The following ESCO1 variants were observed in gnomAD, a reference collection of about 807,000 sequenced individuals.
ESCO1 encodes the protein establishment of sister chromatid cohesion N-acetyltransferase 1.
Under a neutral mutation model 83.5 loss-of-function variants are expected in ESCO1, and 33 were observed. The ratio of observed to expected loss-of-function variants is 0.40; its 90% CI spans 0.30 to 0.53. The LOEUF is 0.53. Ranked by LOEUF, ESCO1 falls within the 20% of genes least tolerant of loss-of-function variation. The pLI is 0.63. For synonymous variants in ESCO1, 332 were observed against 324.3 expected (o/e 1.02, Z -0.25); for missense variants, 855 against 968.0 (o/e 0.88, Z 1.55).
At chr18:21,592,274 G>A (rs370275401) in intron 1 of ESCO1, among the ~76,000 whole-genome samples, 2 of 151,362 alleles carry the variant, frequency 1.3e-5, no homozygotes, top group South Asian at 4.2e-4. Context: ...TCACCTCCTG[G>A]ACGGGGCAGC....
chr18:21,599,956 G>T (rs983023902), intron 1 of ESCO1, among the ~76,000 whole-genome samples: 1 of 152,168 alleles, frequency 6.6e-6, no homozygotes, highest in Non-Finnish European at 1.5e-5. Flanking sequence ...CTTCACTGCG[G>T]CCCTCAATGC....
chr18:21,536,257 T>TC, intron 9 of ESCO1, 72 bp from the exon 10 acceptor site: 1 of 1,484,432 alleles, frequency 6.7e-7, no homozygotes, highest in Non-Finnish European at 9.1e-7. Context: ...CTATTTCAGT[T>TC]CAGTAGATCA....
chr18:21,586,680 C>G (rs1044807609), intron 1 of ESCO1, among the ~76,000 whole-genome samples: 1 of 152,126 alleles, frequency 6.6e-6, no homozygotes, highest in African/African-American at 2.4e-5. Context: ...AAGATCATGT[C>G]ATCTGCAAAG....
chr18:21,581,567 C>T (rs766472193), intron 2 of ESCO1, among the ~76,000 whole-genome samples: 2 of 151,774 alleles, frequency 1.3e-5, no homozygotes, highest in African/African-American at 4.8e-5. Context: ...GGTGAGATGG[C>T]GCCATTGCAC....
rs575603072 is a variant in ESCO1, at chr18:21,539,955, C to T, written c.2008G>A (p.Val670Ile). 3 of 1,613,454 alleles carry T rather than the reference C, an allele frequency of 1.9e-6. No individual in the cohort carries two copies. The highest frequency in any genetic ancestry group is 2.5e-6 in the Non-Finnish European group (3 of 1,179,808). Residue 670 changes from valine to isoleucine, a missense_variant, in exon 9 of 12, where the codon GTT becomes ATT. By Grantham distance (29) the Val-to-Ile change is conservative. Around this residue, in one of 2 missense-constraint regions of ESCO1, gnomAD observed 129 missense variants for 268.5 expected, o/e 0.48. Transcript: ENST00000269214. The stretch of plus-strand genomic sequence containing the variant: ...GCATACTTTGGGTCTTCAGGAAGAA[C>T]CATTATTATCCTGCCATCAGGGTAT... Reference protein sequence around the residue: ...AEYPDGRIIMVLPEDPKYALK... With the variant: ...AEYPDGRIIMILPEDPKYALK...
At chr18:21,599,042 CAA>C (rs34829152) in intron 1 of ESCO1, among the ~76,000 whole-genome samples, 3 of 127,934 alleles carry the variant, frequency 2.3e-5, no homozygotes, top group Admixed American at 8.1e-5. Flanking sequence ...TTTTGCTTTT[CAA>C]AAAAAAAAAA....
At chr18:21,592,536 C>T (rs1298890115) in intron 1 of ESCO1, among the ~76,000 whole-genome samples, 2 of 146,282 alleles carry the variant, frequency 1.4e-5, no homozygotes, top group South Asian at 2.2e-4. Flanking sequence ...CTGGACAGGG[C>T]GGCTGGCCGG....
intron 8 of ESCO1, among the ~76,000 whole-genome samples, chr18:21,542,576 T>C (rs2037920693): frequency 6.6e-6 from 1 of 152,240 alleles, no homozygotes; most frequent in Non-Finnish European, 1.5e-5. Context: ...GAGTAGCCAC[T>C]AAGTAACTCT....
intron 8 of ESCO1, among the ~76,000 whole-genome samples, chr18:21,546,903 G>A (rs556710018): frequency 7.2e-5 from 11 of 152,176 alleles, no homozygotes; most frequent in South Asian, 6.2e-4. Flanking sequence ...TTCATGATCC[G>A]GTCCCCCATT....
chr18:21,558,311 T>C (rs2038138549), intron 8 of ESCO1, among the ~76,000 whole-genome samples: 1 of 152,202 alleles, frequency 6.6e-6, no homozygotes, highest in African/African-American at 2.4e-5. Context: ...TTTTCTACCT[T>C]TTATTTTAAC....
chr18:21,567,831 G>A (rs1007495730), intron 5 of ESCO1, 149 bp downstream of exon 5: 7 of 582,908 alleles, frequency 1.2e-5, no homozygotes, highest in Admixed American at 6.7e-5. Flanking sequence ...TGAAAGCATG[G>A]GTGATAGTCA....
intron 5 of ESCO1, 134 bp from the exon 6 acceptor site, chr18:21,566,340 A>T: frequency 1.3e-6 from 1 of 754,404 alleles, no homozygotes; most frequent in Non-Finnish European, 2.1e-6. Flanking sequence ...AGACCATCTG[A>T]TAAAATTAGA....
intron 8 of ESCO1, among the ~76,000 whole-genome samples, chr18:21,549,221 C>G (rs1355712338): frequency 6.6e-6 from 1 of 152,200 alleles, no homozygotes; most frequent in Non-Finnish European, 1.5e-5. Context: ...CCATCTCACC[C>G]AACATTCCTG....
Position 21,530,318 on chromosome 18 carries a change from CTAGTGGTG to C in ESCO1, c.*17_*24del. 6.5e-7 allele frequency: 1 copy of C among 1,548,106 alleles called. No homozygotes were observed. The highest frequency in any genetic ancestry group is 2.0e-5 in the Admixed American group (1 of 50,022). ...ATCCATTCTCTTCAATAGATGTCTTCTAGTGGTGTAGGCAAGAATTTGTTTTACGTGCT... is the reference window on the plus strand; with the variant it reads ...ATCCATTCTCTTCAATAGATGTCTTCTAGGCAAGAATTTGTTTTACGTGCT... On this transcript the variant is annotated 3_prime_UTR_variant, in exon 12 of 12. Coordinates refer to ENST00000269214, the MANE Select transcript of ESCO1 (RefSeq NM_052911.3).
intron 8 of ESCO1, among the ~76,000 whole-genome samples, chr18:21,547,556 T>C (rs2037990386): frequency 6.6e-6 from 1 of 152,116 alleles, no homozygotes. Flanking sequence ...ATAAAGTATA[T>C]GCTTGAAAGG....
At position 21,574,237 on chromosome 18, in the gene ESCO1, C is replaced by G. The variant is rs758395548; in HGVS notation, c.607G>C (p.Gly203Arg). 1.2e-5 allele frequency: 19 copies of G among 1,613,480 alleles called. No individual in the cohort carries two copies. In the South Asian group the frequency reaches 2.1e-4, roughly 18 times the overall value. Residue 203 changes from glycine (G) to arginine (R), a missense_variant, in exon 4 of 12, where the codon GGG becomes CGG. Transcript: ENST00000269214. ...VINEVINSPK[G>R]KKRKVEHQTA... ...TGATGTTCTACCTTGCGTTTTTTCC[C>G]TTTGGGAGAATTTATTACTTCATTA...
intron 8 of ESCO1, among the ~76,000 whole-genome samples, chr18:21,543,514 C>CA (rs1319615046): frequency 6.6e-6 from 1 of 151,418 alleles, no homozygotes; most frequent in Non-Finnish European, 1.5e-5. Flanking sequence ...CTTTTTCCAT[C>CA]AAAAAAAGGA....
At chr18:21,568,334 C>T (rs565865397) in intron 4 of ESCO1, among the ~76,000 whole-genome samples, 85 of 152,184 alleles carry the variant, frequency 5.6e-4, no homozygotes, top group African/African-American at 1.9e-3. Context: ...GTTGTCTCAG[C>T]TACTCAGAAG....
At chr18:21,565,211 T>C (rs1276497416) in intron 6 of ESCO1, among the ~76,000 whole-genome samples, 1 of 152,264 alleles carries the variant, frequency 6.6e-6, no homozygotes, top group Non-Finnish European at 1.5e-5. Flanking sequence ...AGTTTGAATA[T>C]GCTTTTAAGT....
Sources: allele counts gnomAD v4.1 joint callset (sites outside exome capture counted in the v4.1 genomes callset), GRCh38; gene constraint gnomAD v4.1.1; regional missense constraint gnomAD v4.1.1; transcripts MANE v1.5; gene names NCBI Gene and HGNC (gene_info 2026-07-23, HGNC 2026-07-21).